PPP1R12B: variants seen among roughly 807,000 people sequenced by gnomAD.
The protein encoded by PPP1R12B is myosin phosphatase target subunit 2.
PPP1R12B carries 76 observed loss-of-function variants against 126.1 expected under a neutral mutation model. The ratio of observed to expected loss-of-function variants is 0.60; its 90% CI spans 0.50 to 0.73. The LOEUF is 0.73. PPP1R12B is among the 30% of genes least tolerant of loss of function. The pLI, the probability that PPP1R12B is intolerant of heterozygous loss-of-function variation, is 0.00. For missense variants in PPP1R12B, 1,052 were observed against 1,205.1 expected, an observed-to-expected ratio of 0.87 and a Z score of 1.88; for synonymous variants, 356 against 434.7, an observed-to-expected ratio of 0.82 and a Z score of 2.25.
intron 1 of PPP1R12B, among the ~76,000 whole-genome samples, chr1:202,406,030 A>G (rs1666555135): frequency 6.6e-6 from 1 of 152,084 alleles, no homozygotes. Context: ...TCCTTACTCA[A>G]CTCAGATCCC....
At chr1:202,465,159 G>A (rs1178064871) in intron 13 of PPP1R12B, among the ~76,000 whole-genome samples, 2 of 152,146 alleles carry the variant, frequency 1.3e-5, no homozygotes, top group Non-Finnish European at 2.9e-5. Flanking sequence ...ATGCATTGAG[G>A]CTCAGCTAGG....
At chr1:202,471,122 AT>A (rs1183975219) in intron 13 of PPP1R12B, among the ~76,000 whole-genome samples, 1 of 152,102 alleles carries the variant, frequency 6.6e-6, no homozygotes, top group East Asian at 1.9e-4. Flanking sequence ...TCATTCTCAA[AT>A]TTTTATCACT....
chr1:202,460,823 A>G (rs1558256428), intron 13 of PPP1R12B, among the ~76,000 whole-genome samples: 1 of 152,176 alleles, frequency 6.6e-6, no homozygotes, highest in Non-Finnish European at 1.5e-5. Context: ...AAAAAAGGTG[A>G]TTCTTTTAGT....
At chr1:202,357,620 C>T (rs1226707037) in intron 1 of PPP1R12B, among the ~76,000 whole-genome samples, 1 of 152,086 alleles carries the variant, frequency 6.6e-6, no homozygotes, top group Non-Finnish European at 1.5e-5. Context: ...ATAATAGGGG[C>T]AAGAAAGTTA....
rs765453808 is a variant in PPP1R12B at position 202,428,949 on chromosome 1, T to C, written c.921+20T>C. 11 of 1,575,220 alleles carry C rather than the reference T, an allele frequency of 7.0e-6. No homozygotes were observed. The highest frequency in any genetic ancestry group is 6.0e-6 in the Non-Finnish European group (7 of 1,158,022). On this transcript the variant is annotated intron_variant, in intron 6 of 23. Coordinates refer to ENST00000608999, the MANE Select transcript of PPP1R12B (RefSeq NM_002481.4). ...AATGTGGTGAGTTTCTGATTGGTGCTTTCAAAAGTTTTCTAATAGTTTGCA... is the reference window on the plus strand; with the variant it reads ...AATGTGGTGAGTTTCTGATTGGTGCCTTCAAAAGTTTTCTAATAGTTTGCA...
intron 1 of PPP1R12B, among the ~76,000 whole-genome samples, chr1:202,382,422 T>TAA (rs200012728): frequency 9.9e-5 from 10 of 101,398 alleles, no homozygotes; most frequent in African/African-American, 3.8e-4. Flanking sequence ...TAAAGTATAA[T>TAA]AAAAAAAATA....
intron 10 of PPP1R12B, chr1:202,439,734 G>A: frequency 1.8e-6 from 1 of 566,920 alleles, no homozygotes; most frequent in African/African-American, 1.9e-5. Context: ...AGGGACTGAG[G>A]CCCTCTAGGA....
At chr1:202,528,154 T>A (rs1348424602) in intron 18 of PPP1R12B, among the ~76,000 whole-genome samples, 1 of 152,128 alleles carries the variant, frequency 6.6e-6, no homozygotes, top group Non-Finnish European at 1.5e-5. Context: ...TGGAAAAAAA[T>A]TTGTTTTGTT....
intron 1 of PPP1R12B, among the ~76,000 whole-genome samples, chr1:202,397,923 TA>T (rs1665229197): frequency 6.6e-6 from 1 of 152,192 alleles, no homozygotes; most frequent in Non-Finnish European, 1.5e-5. Flanking sequence ...TTTTCTTTTT[TA>T]CTTTTGAGAT....
chr1:202,485,775 T>C (rs147983289), intron 13 of PPP1R12B, among the ~76,000 whole-genome samples: 1 of 152,206 alleles, frequency 6.6e-6, no homozygotes, highest in Non-Finnish European at 1.5e-5. Flanking sequence ...TCGTTGTTTA[T>C]TCATTGTTTT....
At chr1:202,467,777 T>G (rs1675243497) in intron 13 of PPP1R12B, among the ~76,000 whole-genome samples, 1 of 152,234 alleles carries the variant, frequency 6.6e-6, no homozygotes, top group African/African-American at 2.4e-5. Flanking sequence ...TTTCTAGTTC[T>G]AGATCCCTGA....
At chr1:202,381,601 C>A (rs1662296322) in intron 1 of PPP1R12B, among the ~76,000 whole-genome samples, 1 of 152,114 alleles carries the variant, frequency 6.6e-6, no homozygotes, top group African/African-American at 2.4e-5. Flanking sequence ...CTGGCATATT[C>A]AACTCTAAGA....
intron 18 of PPP1R12B, among the ~76,000 whole-genome samples, chr1:202,549,624 T>TAG (rs1218376869): frequency 6.6e-6 from 1 of 152,088 alleles, no homozygotes; most frequent in Non-Finnish European, 1.5e-5. Context: ...TTCACCGTGT[T>TAG]AGCCAGGGTG....
intron 13 of PPP1R12B, among the ~76,000 whole-genome samples, chr1:202,473,371 A>C (rs1423364475): frequency 6.6e-6 from 1 of 152,160 alleles, no homozygotes; most frequent in Non-Finnish European, 1.5e-5. Flanking sequence ...TTGTTCCTGC[A>C]TTTCTGTGTG....
At chr1:202,439,451 G>T in intron 10 of PPP1R12B, 1 of 1,387,038 alleles carries the variant, frequency 7.2e-7, no homozygotes, top group Non-Finnish European at 1.0e-6. Context: ...CCAGCTGGCT[G>T]CCCGCCAAGT....
chr1:202,409,326 C>G (rs1414629433), intron 1 of PPP1R12B, among the ~76,000 whole-genome samples: 6 of 145,020 alleles, frequency 4.1e-5, no homozygotes, highest in Non-Finnish European at 9.1e-5. Flanking sequence ...CTTGCCAACA[C>G]TTTTTTTTTT....
At chr1:202,404,062 A>G (rs184905659) in intron 1 of PPP1R12B, among the ~76,000 whole-genome samples, 24 of 152,210 alleles carry the variant, frequency 1.6e-4, no homozygotes, top group Non-Finnish European at 2.8e-4. Flanking sequence ...TTCAATCTTC[A>G]TATTCCTACT....
intron 3 of PPP1R12B, among the ~76,000 whole-genome samples, chr1:202,423,871 G>A (rs1019339183): frequency 2.6e-5 from 4 of 152,046 alleles, no homozygotes; most frequent in African/African-American, 7.2e-5. Flanking sequence ...TTTTGGTAGA[G>A]ACAGGGTTTC....
Position 202,425,727 on chromosome 1 carries a change from T to C in PPP1R12B, c.701+2T>C. 6.2e-7 allele frequency: 1 copy of C among 1,611,912 alleles called. No individual in the cohort carries two copies. Among genetic ancestry groups the C allele is most frequent in the South Asian group, 1.1e-5 (1 of 90,866 alleles). ...CAAGGGCTACTCTGAAGTCCTCAGG[T>C]ATTGTCCATTTACATCAATCAGGAG... On this transcript the variant is annotated splice_donor_variant, in intron 4 of 23. Coordinates refer to ENST00000608999, the MANE Select transcript of PPP1R12B (RefSeq NM_002481.4). LOFTEE classifies it high-confidence loss of function.
Sources: gnomAD v4.1 joint callset for allele counts (sites outside exome capture counted in the v4.1 genomes callset) on GRCh38, gnomAD v4.1.1 for gene constraint, MANE v1.5 for transcripts, NCBI Gene and HGNC (gene_info 2026-07-23, HGNC 2026-07-21) for gene names.